The following LRP1B variants were observed in gnomAD, a reference collection of about 807,000 sequenced individuals.
LRP1B encodes the protein low-density lipoprotein receptor-related protein 1B.
Under a neutral mutation model 556.6 loss-of-function variants are expected in LRP1B, and 217 were observed. The ratio of observed to expected loss-of-function variants is 0.39; its 90% CI spans 0.35 to 0.44. The LOEUF is 0.44. LRP1B is among the 20% of genes least tolerant of loss of function. The pLI is 1.00. For missense variants in LRP1B, 5,053 were observed against 5,620.8 expected (o/e 0.90, Z 3.23); for synonymous variants, 2,047 against 1,865.8 (o/e 1.10, Z -2.50).
chr2:140,724,956 T>A (rs375406212), intron 35 of LRP1B, among the ~76,000 whole-genome samples: 1 of 152,206 alleles, frequency 6.6e-6, no homozygotes, highest in East Asian at 1.9e-4. Flanking sequence ...ATTTTTTTAC[T>A]GTCATTTATC....
chr2:141,245,918 CT>C (rs1684050770), intron 5 of LRP1B, among the ~76,000 whole-genome samples: 1 of 152,234 alleles, frequency 6.6e-6, no homozygotes, highest in African/African-American at 2.4e-5. Context: ...CCTTCTTCCT[CT>C]TTTTTCCACA....
intron 2 of LRP1B, among the ~76,000 whole-genome samples, chr2:141,757,907 CAG>C (rs921137641): frequency 5.3e-5 from 8 of 152,100 alleles, no homozygotes; most frequent in African/African-American, 1.9e-4. Flanking sequence ...AGCGTTTTTC[CAG>C]CCTTTGCAAG....
chr2:140,767,689 G>A (rs1206940036), intron 35 of LRP1B, among the ~76,000 whole-genome samples: 1 of 151,044 alleles, frequency 6.6e-6, no homozygotes, highest in Non-Finnish European at 1.5e-5. Context: ...GGGTACATGT[G>A]CACATTGTGC....
intron 2 of LRP1B, chr2:141,805,566 G>A (rs978744063): frequency 6.6e-6 from 1 of 152,090 alleles, no homozygotes; most frequent in Admixed American, 6.6e-5. Flanking sequence ...GCTGTTCCAT[G>A]GAGCAGCAGT....
intron 59 of LRP1B, among the ~76,000 whole-genome samples, chr2:140,483,413 T>C (rs1285176148): frequency 6.6e-6 from 1 of 151,702 alleles, no homozygotes; most frequent in Admixed American, 6.6e-5. Flanking sequence ...GACACAGGTT[T>C]TGCTTCATAA....
chr2:140,889,203 C>G (rs1373138221), intron 23 of LRP1B, among the ~76,000 whole-genome samples: 3 of 152,184 alleles, frequency 2.0e-5, no homozygotes, highest in African/African-American at 4.8e-5. Context: ...CCAATTAAAA[C>G]AGCAAGACCA....
At chr2:140,991,545 T>C (rs1319266317) in intron 16 of LRP1B, among the ~76,000 whole-genome samples, 2 of 152,108 alleles carry the variant, frequency 1.3e-5, no homozygotes, top group Non-Finnish European at 2.9e-5. Flanking sequence ...CTCATCCATG[T>C]GCCAGGCACT....
At position 140,950,314 on chromosome 2, in the gene LRP1B, G is replaced by A. The variant is rs2105299907; in HGVS notation, c.3057C>T (p.Ile1019=). 1 of 1,613,106 alleles carries A rather than the reference G, an allele frequency of 6.2e-7. No individual in the cohort carries two copies. The highest frequency in any genetic ancestry group is 8.5e-7 in the Non-Finnish European group (1 of 1,179,516). Residue 1019 remains isoleucine (I), a synonymous_variant, in exon 20 of 91, where the codon ATC becomes ATT. Coordinates refer to ENST00000389484, the MANE Select transcript of LRP1B (RefSeq NM_018557.3). ...CACCATCACAGGCCCAGTGGCCTGG[G>A]ATGCATCTGCCACTGGAACATCTGA... The part of the protein sequence containing the change: ...NQFRCSSGRC[I]PGHWACDGDN...
At chr2:140,852,812 G>A (rs1692499900) in intron 27 of LRP1B, among the ~76,000 whole-genome samples, 1 of 151,636 alleles carries the variant, frequency 6.6e-6, no homozygotes, top group African/African-American at 2.4e-5. Flanking sequence ...GGGACATTTT[G>A]AATTTTATGT....
chr2:140,389,098 T>C (rs2105205298), intron 66 of LRP1B, among the ~76,000 whole-genome samples: 1 of 152,046 alleles, frequency 6.6e-6, no homozygotes, highest in South Asian at 2.1e-4. Flanking sequence ...TTATTCCCTT[T>C]TTCAAGTATT....
At chr2:141,721,397 T>C (rs1692808858) in intron 2 of LRP1B, among the ~76,000 whole-genome samples, 1 of 152,180 alleles carries the variant, frequency 6.6e-6, no homozygotes, top group South Asian at 2.1e-4. Flanking sequence ...GTTGAATTCG[T>C]ACTATCGACC....
At chr2:141,966,565 T>G (rs1163988417) in intron 1 of LRP1B, among the ~76,000 whole-genome samples, 1 of 151,436 alleles carries the variant, frequency 6.6e-6, no homozygotes, top group Non-Finnish European at 1.5e-5. Context: ...AAGTGAAAAA[T>G]ACTCAACATA....
chr2:141,847,649 G>T (rs181546306), intron 1 of LRP1B, among the ~76,000 whole-genome samples: 2 of 151,412 alleles, frequency 1.3e-5, no homozygotes, highest in Admixed American at 6.6e-5. Context: ...TACATATAAG[G>T]CAACTTGATG....
At chr2:140,428,760 C>T (rs1003532248) in intron 66 of LRP1B, among the ~76,000 whole-genome samples, 3 of 152,184 alleles carry the variant, frequency 2.0e-5, no homozygotes, top group Non-Finnish European at 4.4e-5. Flanking sequence ...GCCTGTTTCC[C>T]TTGCCTCCAT....
intron 6 of LRP1B, among the ~76,000 whole-genome samples, chr2:141,211,261 T>C (rs1398926821): frequency 4.7e-5 from 7 of 150,274 alleles, no homozygotes; most frequent in African/African-American, 1.7e-4. Context: ...GTGCTGGGAT[T>C]ATAAGCATGA....
At chr2:141,691,398 T>C (rs985008051) in intron 2 of LRP1B, among the ~76,000 whole-genome samples, 1 of 138,588 alleles carries the variant, frequency 7.2e-6, no homozygotes, top group Non-Finnish European at 1.6e-5. Flanking sequence ...AGTGACCAGA[T>C]GGAAACAGAA....
chr2:140,566,580 T>C (rs543585571), intron 43 of LRP1B, among the ~76,000 whole-genome samples: 1 of 152,218 alleles, frequency 6.6e-6, no homozygotes, highest in Admixed American at 6.5e-5. Context: ...CCCATGGTAT[T>C]CAAGCTGAAG....
chr2:140,330,220 T>TAATAATAA (rs1041476429), intron 79 of LRP1B, among the ~76,000 whole-genome samples: 7 of 140,408 alleles, frequency 5.0e-5, no homozygotes, highest in African/African-American at 1.9e-4. Context: ...ATAATAATAA[T>TAATAATAA]AATAATAATA....
chr2:140,947,017 T>C (rs1038587916), intron 20 of LRP1B, among the ~76,000 whole-genome samples: 9 of 152,102 alleles, frequency 5.9e-5, no homozygotes, highest in African/African-American at 1.7e-4. Context: ...GTCTCCAAAA[T>C]GGAGAGAAGG....
Sources: allele counts gnomAD v4.1 joint callset (sites outside exome capture counted in the v4.1 genomes callset), GRCh38; gene constraint gnomAD v4.1.1; transcripts MANE v1.5; gene names NCBI Gene and HGNC (gene_info 2026-07-23, HGNC 2026-07-21).